GRIA1: variants seen among roughly 807,000 people sequenced by gnomAD.
GRIA1 encodes the protein glutamate ionotropic receptor AMPA type subunit 1.
Under a neutral mutation model 99.2 loss-of-function variants are expected in GRIA1, and 31 were observed. That is an observed-to-expected ratio of 0.31 (90% CI 0.23 to 0.42). The LOEUF (loss-of-function observed/expected upper bound fraction) is 0.42, where lower values mean the gene tolerates loss of function less well. Among genes scored for constraint, GRIA1 ranks in the 10% least tolerant of loss-of-function variants. The probability of loss-of-function intolerance (pLI) is 1.00; values close to 1 mark genes in which losing one functional copy is unlikely to be tolerated. For synonymous variants in GRIA1, 438 were observed against 432.4 expected (o/e 1.01, Z -0.16); for missense variants, 782 against 1,157.5 (o/e 0.68, Z 4.71).
intron 13 of GRIA1, among the ~76,000 whole-genome samples, chr5:153,775,895 CA>C (rs1461936760): frequency 1.1e-5 from 1 of 93,096 alleles, no homozygotes; most frequent in Non-Finnish European, 2.1e-5. Flanking sequence ...AGAGCAAATG[CA>C]GAAACGGAAA....
intron 11 of GRIA1, among the ~76,000 whole-genome samples, chr5:153,726,345 G>T (rs1334964540): frequency 1.4e-5 from 2 of 147,962 alleles, no homozygotes; most frequent in Admixed American, 1.4e-4. Flanking sequence ...AAAAGCAAGA[G>T]CAAACACATT....
chr5:153,515,110 A>T (rs1756485572), intron 2 of GRIA1, among the ~76,000 whole-genome samples: 1 of 152,228 alleles, frequency 6.6e-6, no homozygotes, highest in Non-Finnish European at 1.5e-5. Flanking sequence ...CATGGTAAAC[A>T]TCTAAAGTTC....
chr5:153,557,605 TCTAA>T (rs1760765871), intron 2 of GRIA1, among the ~76,000 whole-genome samples: 1 of 152,256 alleles, frequency 6.6e-6, no homozygotes, highest in African/African-American at 2.4e-5. Flanking sequence ...TTTTTCTATT[TCTAA>T]CTTTTTGTTA....
chr5:153,521,518 C>T (rs897922216), intron 2 of GRIA1, among the ~76,000 whole-genome samples: 6 of 152,160 alleles, frequency 3.9e-5, no homozygotes, highest in South Asian at 2.1e-4. Flanking sequence ...TAGATCTTCC[C>T]GGGCAAAAAG....
At chr5:153,789,851 G>A (rs1317002760) in intron 13 of GRIA1, among the ~76,000 whole-genome samples, 1 of 152,076 alleles carries the variant, frequency 6.6e-6, no homozygotes, top group African/African-American at 2.4e-5. Context: ...ACTTAATTCA[G>A]ATGGTCAGCT....
chr5:153,801,678 T>G (rs1365196118), intron 14 of GRIA1, among the ~76,000 whole-genome samples: 1 of 152,216 alleles, frequency 6.6e-6, no homozygotes, highest in African/African-American at 2.4e-5. Flanking sequence ...TAAGCATAAT[T>G]ATTAAGATTT....
chr5:153,580,386 G>T (rs969961735), intron 2 of GRIA1, among the ~76,000 whole-genome samples: 1 of 152,116 alleles, frequency 6.6e-6, no homozygotes, highest in African/African-American at 2.4e-5. Flanking sequence ...TTAAAATTGG[G>T]CAGCTTTACA....
At chr5:153,520,437 G>A (rs1757035345) in intron 2 of GRIA1, among the ~76,000 whole-genome samples, 1 of 152,128 alleles carries the variant, frequency 6.6e-6, no homozygotes, top group Admixed American at 6.5e-5. Flanking sequence ...AGTTCTTTGA[G>A]GTTTGAGCTT....
chr5:153,509,400 C>T (rs192045735), intron 2 of GRIA1, among the ~76,000 whole-genome samples: 19 of 152,184 alleles, frequency 1.2e-4, no homozygotes, highest in Admixed American at 1.2e-3. Flanking sequence ...AGCTGCTTCT[C>T]CCTCCCTCAA....
Position 153,706,132 on chromosome 5 carries a change from G to T in GRIA1, c.1823+65G>T, listed in dbSNP as rs576952957. On this transcript the variant is annotated intron_variant, in intron 11 of 15. Transcript: ENST00000285900. Reference sequence around the variant, plus strand: ...GTTTTGTTTGTTTGTTTGTTTGTTTGTTTTTTAAATACTGAAAAGTAAAGA... The same window carrying T: ...GTTTTGTTTGTTTGTTTGTTTGTTTTTTTTTTAAATACTGAAAAGTAAAGA... 8.6e-4 allele frequency: 1,276 copies of T among 1,477,124 alleles called. 17 individuals carry two copies. In the African/African-American group the frequency reaches 0.016, roughly 18 times the overall value. 91.5% of individuals were successfully genotyped at this position (1,477,124 alleles called of 1,614,324 possible). A position where few individuals can be genotyped will look rare whatever the true frequency, so the allele number is the denominator to read the frequency against.
chr5:153,789,803 A>G (rs530056044), intron 13 of GRIA1, among the ~76,000 whole-genome samples: 4 of 152,374 alleles, frequency 2.6e-5, no homozygotes, highest in Middle Eastern at 6.8e-3. Flanking sequence ...ATGGCACACC[A>G]TAAGTGCTGG....
intron 4 of GRIA1, among the ~76,000 whole-genome samples, chr5:153,654,967 A>G (rs1442255326): frequency 6.6e-6 from 1 of 152,170 alleles, no homozygotes; most frequent in Non-Finnish European, 1.5e-5. Context: ...TATTTTTTCT[A>G]CCTGTGATGA....
At chr5:153,776,442 A>G (rs908732933) in intron 13 of GRIA1, among the ~76,000 whole-genome samples, 9 of 152,284 alleles carry the variant, frequency 5.9e-5, no homozygotes, top group African/African-American at 2.2e-4. Context: ...CTGCCACCTC[A>G]ATTTTACCTC....
At chr5:153,526,047 G>T (rs965448335) in intron 2 of GRIA1, among the ~76,000 whole-genome samples, 18 of 152,260 alleles carry the variant, frequency 1.2e-4, no homozygotes, top group African/African-American at 4.3e-4. Context: ...TGGTGAAAAG[G>T]TCCTGGGTTT....
At chr5:153,542,932 C>T (rs956034986) in intron 2 of GRIA1, among the ~76,000 whole-genome samples, 2 of 152,154 alleles carry the variant, frequency 1.3e-5, no homozygotes, top group African/African-American at 4.8e-5. Context: ...TATAATCAGA[C>T]AGATATGGGT....
At chr5:153,492,025 A>C in intron 1 of GRIA1, 1 of 813,448 alleles carries the variant, frequency 1.2e-6, no homozygotes, top group Non-Finnish European at 1.8e-6. Flanking sequence ...TGTGTCCCGG[A>C]ATGAAGCAAG....
chr5:153,534,795 C>T (rs1758412103), intron 2 of GRIA1, among the ~76,000 whole-genome samples: 1 of 152,176 alleles, frequency 6.6e-6, no homozygotes. Context: ...ATCAAGGAGT[C>T]AGATAAATGT....
intron 15 of GRIA1, among the ~76,000 whole-genome samples, chr5:153,809,699 C>A (rs1766681564): frequency 6.6e-6 from 1 of 152,218 alleles, no homozygotes; most frequent in Non-Finnish European, 1.5e-5. Context: ...TGTGGGATAG[C>A]TGAGGATTGA....
chr5:153,767,462 G>A (rs1412829664), intron 12 of GRIA1, among the ~76,000 whole-genome samples: 1 of 152,244 alleles, frequency 6.6e-6, no homozygotes, highest in Non-Finnish European at 1.5e-5. Flanking sequence ...ACATTTGACA[G>A]TTTATTGCCA....
Sources: gnomAD v4.1 joint callset for allele counts (sites outside exome capture counted in the v4.1 genomes callset) on GRCh38, gnomAD v4.1.1 for gene constraint, MANE v1.5 for transcripts, NCBI Gene and HGNC (gene_info 2026-07-23, HGNC 2026-07-21) for gene names.